Variants in WWOX observed in about 807,000 individuals in gnomAD.
The protein encoded by WWOX is WW domain-containing oxidoreductase.
WWOX carries 69 observed loss-of-function variants against 46.2 expected under a neutral mutation model. The observed-to-expected ratio is 1.49, with a 90% CI of 1.23 to 1.82. The LOEUF (loss-of-function observed/expected upper bound fraction) is 1.82. Ranked by LOEUF, WWOX falls within the 40% of genes most tolerant of loss-of-function variation. The pLI, the probability that WWOX is intolerant of heterozygous loss-of-function variation, is 0.00. For synonymous variants in WWOX, 359 were observed against 202.6 expected, an observed-to-expected ratio of 1.77 and a Z score of -6.56; for missense variants, 919 against 542.6, an observed-to-expected ratio of 1.69 and a Z score of -6.89.
At chr16:78,858,719 A>T (rs1390166775) in intron 8 of WWOX, among the ~76,000 whole-genome samples, 1 of 151,800 alleles carries the variant, frequency 6.6e-6, no homozygotes, top group African/African-American at 2.4e-5. Flanking sequence ...TTACTTCATC[A>T]CCCATTCTGT....
intron 6 of WWOX, among the ~76,000 whole-genome samples, chr16:78,406,358 TATTA>T (rs1304626509): frequency 0.022 from 2,442 of 111,842 alleles, 134 homozygotes; most frequent in African/African-American, 0.084. Flanking sequence ...ATATATATTT[TATTA>T]TTTTTTTTTG....
At chr16:78,947,556 G>A (rs2045973821) in intron 8 of WWOX, among the ~76,000 whole-genome samples, 1 of 152,240 alleles carries the variant, frequency 6.6e-6, no homozygotes, top group South Asian at 2.1e-4. Flanking sequence ...CTGATGAGCT[G>A]TCTGTTACAG....
At chr16:78,866,294 C>T (rs935424297) in intron 8 of WWOX, among the ~76,000 whole-genome samples, 12 of 152,046 alleles carry the variant, frequency 7.9e-5, no homozygotes, top group South Asian at 2.1e-4. Context: ...GAGGGAGCCA[C>T]GGTCAGATTT....
At chr16:79,045,584 A>G (rs1188012718) in intron 8 of WWOX, among the ~76,000 whole-genome samples, 2 of 152,122 alleles carry the variant, frequency 1.3e-5, no homozygotes, top group African/African-American at 2.4e-5. Flanking sequence ...TAAAGCCTCA[A>G]AACAATCTGA....
intron 8 of WWOX, among the ~76,000 whole-genome samples, chr16:78,737,969 C>G (rs1385182776): frequency 6.6e-6 from 1 of 152,112 alleles, no homozygotes; most frequent in Non-Finnish European, 1.5e-5. Context: ...GAGAAAGGCA[C>G]CAACATGAGT....
At chr16:78,383,333 G>A (rs1018318582) in intron 5 of WWOX, among the ~76,000 whole-genome samples, 1 of 152,128 alleles carries the variant, frequency 6.6e-6, no homozygotes, top group Non-Finnish European at 1.5e-5. Flanking sequence ...TGGATGATGG[G>A]TATAGGGTGT....
intron 8 of WWOX, among the ~76,000 whole-genome samples, chr16:78,709,727 A>G (rs139628457): frequency 2.2e-5 from 3 of 134,898 alleles, no homozygotes; most frequent in Non-Finnish European, 4.7e-5. Context: ...CCAAAGCAAC[A>G]GTAAGCATTT....
intron 8 of WWOX, among the ~76,000 whole-genome samples, chr16:78,669,812 G>T (rs2047418196): frequency 6.6e-6 from 1 of 152,132 alleles, no homozygotes; most frequent in Non-Finnish European, 1.5e-5. Flanking sequence ...TGACTCAGAA[G>T]ACTTCATTAT....
At chr16:78,227,625 C>T (rs550094282) in intron 5 of WWOX, among the ~76,000 whole-genome samples, 5 of 152,238 alleles carry the variant, frequency 3.3e-5, no homozygotes, top group Admixed American at 1.3e-4. Flanking sequence ...ACCTGTAATC[C>T]CAGCACTTTG....
chr16:78,427,639 C>G (rs924503360), intron 7 of WWOX, among the ~76,000 whole-genome samples: 2 of 151,906 alleles, frequency 1.3e-5, no homozygotes, highest in East Asian at 1.9e-4. Context: ...TAAAATTGGG[C>G]TTGGTAGCAC....
intron 8 of WWOX, among the ~76,000 whole-genome samples, chr16:79,057,072 G>A (rs2048276572): frequency 6.6e-6 from 1 of 152,216 alleles, no homozygotes; most frequent in South Asian, 2.1e-4. Context: ...GCCGCCATGG[G>A]CCTGAATTGA....
chr16:79,001,662 T>A (rs1413398022), intron 8 of WWOX, among the ~76,000 whole-genome samples: 2 of 145,802 alleles, frequency 1.4e-5, no homozygotes, highest in Non-Finnish European at 3.0e-5. Context: ...AAAAAGGAGC[T>A]GGTGGCAGGG....
At chr16:78,581,747 G>T (rs1244951033) in intron 8 of WWOX, among the ~76,000 whole-genome samples, 1 of 152,130 alleles carries the variant, frequency 6.6e-6, no homozygotes, top group African/African-American at 2.4e-5. Flanking sequence ...ATTATCTCTT[G>T]TAACACCAGG....
intron 8 of WWOX, among the ~76,000 whole-genome samples, chr16:78,851,232 A>G (rs1039038938): frequency 1.3e-5 from 2 of 152,224 alleles, no homozygotes; most frequent in Admixed American, 6.5e-5. Context: ...TACAATAACC[A>G]AATTCACAGA....
chr16:78,622,897 GTC>G (rs919061557), intron 8 of WWOX, among the ~76,000 whole-genome samples: 1 of 152,134 alleles, frequency 6.6e-6, no homozygotes, highest in Admixed American at 6.6e-5. Flanking sequence ...AAATAAGAGA[GTC>G]TCTCTCTCCA....
chr16:78,537,416 C>G (rs1391669119), intron 8 of WWOX, among the ~76,000 whole-genome samples: 3 of 152,192 alleles, frequency 2.0e-5, no homozygotes, highest in African/African-American at 7.2e-5. Flanking sequence ...AACTGATTTT[C>G]TCACTGACTA....
chr16:78,108,929 A>G (rs896096582), intron 2 of WWOX, among the ~76,000 whole-genome samples: 5 of 152,152 alleles, frequency 3.3e-5, no homozygotes, highest in African/African-American at 1.2e-4. Context: ...TGGAGGTTGC[A>G]GTGAGCCAAG....
At chr16:78,807,749 C>G (rs1426263049) in intron 8 of WWOX, among the ~76,000 whole-genome samples, 5 of 152,188 alleles carry the variant, frequency 3.3e-5, no homozygotes, top group Non-Finnish European at 7.3e-5. Flanking sequence ...GTGGCCTGAC[C>G]AAACTGTAGA....
intron 8 of WWOX, chr16:78,756,920 A>T: frequency 1.4e-6 from 1 of 703,018 alleles, no homozygotes; most frequent in East Asian, 2.7e-5. Flanking sequence ...TGCCTTACTG[A>T]TGTGGATCAT....
Sources: allele counts gnomAD v4.1 joint callset (sites outside exome capture counted in the v4.1 genomes callset), GRCh38; gene constraint gnomAD v4.1.1; transcripts MANE v1.5; gene names NCBI Gene and HGNC (gene_info 2026-07-23, HGNC 2026-07-21).